FBXL17: variants seen among roughly 807,000 people sequenced by gnomAD.
FBXL17 encodes the protein F-box and leucine rich repeat protein 17.
FBXL17 carries 22 observed loss-of-function variants against 66.2 expected under a neutral mutation model. The observed-to-expected ratio is 0.33, with a 90% CI of 0.24 to 0.47. The LOEUF (loss-of-function observed/expected upper bound fraction) is 0.47. Among genes scored for constraint, FBXL17 ranks in the 20% least tolerant of loss-of-function variants. The pLI is 1.00. For synonymous variants in FBXL17, 474 were observed against 400.5 expected (o/e 1.18, Z -2.19); for missense variants, 878 against 948.2 (o/e 0.93, Z 0.97).
intron 6 of FBXL17, among the ~76,000 whole-genome samples, chr5:108,121,456 ATCTT>A (rs1319965816): frequency 1.3e-5 from 2 of 152,240 alleles, no homozygotes; most frequent in Non-Finnish European, 1.5e-5. Context: ...AAGGAGGAAA[ATCTT>A]TCTAAGTTAT....
chr5:107,994,093 T>G (rs1389906742), intron 7 of FBXL17, among the ~76,000 whole-genome samples: 1 of 152,148 alleles, frequency 6.6e-6, no homozygotes, highest in African/African-American at 2.4e-5. Flanking sequence ...TGAAAATTGT[T>G]TCATTAATTA....
chr5:108,161,580 G>A lies in FBXL17; in HGVS notation c.1745+24537C>T, dbSNP rs1393270140. Among the ~76,000 whole-genome samples, 5 of 152,138 alleles carry A rather than the reference G, an allele frequency of 3.3e-5. No homozygotes were observed. The South Asian group carries it at 6.2e-4, about 19-fold the overall frequency. ...TTTGCATCCCAAGATCTACACAGAG[G>A]TTAGACCTTCCTCATCAGCTGTAAT... On this transcript the variant is annotated intron_variant, in intron 6 of 8. Coordinates refer to ENST00000542267, the MANE Select transcript of FBXL17 (RefSeq NM_001163315.3).
intron 7 of FBXL17, among the ~76,000 whole-genome samples, chr5:107,896,118 A>C (rs1580692117): frequency 6.6e-6 from 1 of 152,092 alleles, no homozygotes. Context: ...TCATGACTGT[A>C]AAAAAGAATT....
At chr5:108,085,579 G>A (rs562037044) in intron 6 of FBXL17, among the ~76,000 whole-genome samples, 3 of 152,302 alleles carry the variant, frequency 2.0e-5, no homozygotes, top group African/African-American at 7.2e-5. Context: ...ACTGTGTGCC[G>A]TTGGGGCTCA....
chr5:108,150,052 C>T (rs1035012582), intron 6 of FBXL17, among the ~76,000 whole-genome samples: 7 of 152,292 alleles, frequency 4.6e-5, no homozygotes, highest in African/African-American at 1.7e-4. Flanking sequence ...CATTTCACCA[C>T]ATTTGCTTCA....
At chr5:108,244,861 G>A (rs1435878667) in intron 4 of FBXL17, among the ~76,000 whole-genome samples, 1 of 152,076 alleles carries the variant, frequency 6.6e-6, no homozygotes, top group South Asian at 2.1e-4. Context: ...CCTGTATTTT[G>A]CAATATATTT....
intron 7 of FBXL17, among the ~76,000 whole-genome samples, chr5:108,010,615 C>T (rs529142259): frequency 5.3e-5 from 8 of 152,218 alleles, no homozygotes; most frequent in South Asian, 2.1e-4. Flanking sequence ...AAAGGAAGCA[C>T]GGTTCTTTAG....
intron 6 of FBXL17, among the ~76,000 whole-genome samples, chr5:108,075,209 T>C (rs1174899335): frequency 6.6e-6 from 1 of 151,764 alleles, no homozygotes; most frequent in African/African-American, 2.4e-5. Context: ...GGGAAAGAGA[T>C]CAAATTAAAA....
chr5:108,299,016 T>C, intron 4 of FBXL17: 2 of 978,844 alleles, frequency 2.0e-6, no homozygotes, highest in South Asian at 9.4e-5. Flanking sequence ...ATTACCTAGC[T>C]GCCAATATGG....
At chr5:108,360,322 C>T (rs1356949523) in intron 3 of FBXL17, among the ~76,000 whole-genome samples, 1 of 152,116 alleles carries the variant, frequency 6.6e-6, no homozygotes, top group East Asian at 1.9e-4. Context: ...ATCTTAATGT[C>T]CCCTTGAGTG....
At chr5:108,364,006 T>C (rs933938877) in intron 3 of FBXL17, among the ~76,000 whole-genome samples, 3 of 152,144 alleles carry the variant, frequency 2.0e-5, no homozygotes, top group South Asian at 2.1e-4. Flanking sequence ...TTTTGCACAA[T>C]ATGCCTTTGC....
intron 7 of FBXL17, among the ~76,000 whole-genome samples, chr5:107,944,463 T>C (rs542866561): frequency 1.3e-3 from 204 of 152,312 alleles, no homozygotes; most frequent in Non-Finnish European, 2.4e-3. Context: ...ACCAAAACGT[T>C]ACTCTCCAGC....
intron 4 of FBXL17, among the ~76,000 whole-genome samples, chr5:108,304,598 T>C (rs1758748908): frequency 6.6e-6 from 1 of 151,834 alleles, no homozygotes; most frequent in Admixed American, 6.6e-5. Context: ...TATTTAAAAA[T>C]AAATACACCT....
intron 4 of FBXL17, among the ~76,000 whole-genome samples, chr5:108,224,780 T>C (rs1755028980): frequency 6.6e-6 from 1 of 151,620 alleles, no homozygotes; most frequent in Admixed American, 6.6e-5. Flanking sequence ...TTTTTTGTTG[T>C]TGTTGTTGTG....
At chr5:108,379,810 C>G (rs1445511564) in intron 1 of FBXL17, among the ~76,000 whole-genome samples, 1 of 152,152 alleles carries the variant, frequency 6.6e-6, no homozygotes. Flanking sequence ...ATTGACAAAA[C>G]TGCAAAATAT....
chr5:108,259,165 G>A (rs1349985943), intron 4 of FBXL17, among the ~76,000 whole-genome samples: 15 of 152,134 alleles, frequency 9.9e-5, no homozygotes, highest in Non-Finnish European at 1.5e-5. Flanking sequence ...TTCAAGCTAT[G>A]AGAATCAGGA....
chr5:108,264,312 G>A (rs995023150), intron 4 of FBXL17, among the ~76,000 whole-genome samples: 2 of 149,820 alleles, frequency 1.3e-5, no homozygotes, highest in South Asian at 4.3e-4. Flanking sequence ...AACAGGTACT[G>A]TTGTACCAGT....
chr5:108,172,973 AT>A (rs992819146), intron 6 of FBXL17, among the ~76,000 whole-genome samples: 2 of 151,426 alleles, frequency 1.3e-5, no homozygotes, highest in African/African-American at 4.9e-5. Context: ...CTAATTTTGT[AT>A]TTTTTTAGTA....
chr5:108,121,220 C>T lies in FBXL17; in HGVS notation c.1745+64897G>A, dbSNP rs1238444486. On this transcript the variant is annotated intron_variant, in intron 6 of 8. Transcript: ENST00000542267. ...GCGCATGCCCATAGTCCCAGCTACT[C>T]GGGAGGCTGAGGCAGGAGAATCACT... Among the ~76,000 whole-genome samples, 5 of 151,808 alleles carry T rather than the reference C, an allele frequency of 3.3e-5. No individual in the cohort carries two copies. In the South Asian group the frequency reaches 6.2e-4, roughly 19 times the overall value.
Sources: gnomAD v4.1 joint callset for allele counts (sites outside exome capture counted in the v4.1 genomes callset) on GRCh38, gnomAD v4.1.1 for gene constraint, MANE v1.5 for transcripts, NCBI Gene and HGNC (gene_info 2026-07-23, HGNC 2026-07-21) for gene names.